Variants in ST6GALNAC5 observed in about 807,000 individuals in gnomAD.
ST6GALNAC5 encodes alpha-N-acetylgalactosaminide alpha-2,6-sialyltransferase 5.
A neutral mutation model predicts 33.6 loss-of-function variants in ST6GALNAC5; 27 were observed. The ratio of observed to expected loss-of-function variants is 0.80; its 90% CI spans 0.59 to 1.11. The LOEUF is 1.11. ST6GALNAC5 is among the 50% of genes least tolerant of loss of function. The pLI, the probability that ST6GALNAC5 is intolerant of heterozygous loss-of-function variation, is 0.00. For synonymous variants in ST6GALNAC5, 194 were observed against 171.2 expected, an observed-to-expected ratio of 1.13 and a Z score of -1.04; for missense variants, 428 against 454.0, an observed-to-expected ratio of 0.94 and a Z score of 0.52.
chr1:76,941,773 G>T (rs1647343415), intron 2 of ST6GALNAC5, among the ~76,000 whole-genome samples: 1 of 152,048 alleles, frequency 6.6e-6, no homozygotes, highest in Non-Finnish European at 1.5e-5. Context: ...ATGGAGCAAG[G>T]CCTGGCCAAC....
intron 2 of ST6GALNAC5, among the ~76,000 whole-genome samples, chr1:76,940,463 C>G (rs1421219489): frequency 1.3e-5 from 2 of 151,944 alleles, no homozygotes; most frequent in Non-Finnish European, 2.9e-5. Context: ...ACATGCAGAC[C>G]CACACAAGCA....
intron 2 of ST6GALNAC5, among the ~76,000 whole-genome samples, chr1:76,952,600 A>G (rs915650115): frequency 1.3e-5 from 2 of 152,118 alleles, no homozygotes; most frequent in African/African-American, 2.4e-5. Flanking sequence ...GGGTATGCCA[A>G]TTACCCTGAT....
chr1:77,006,454 C>G (rs1267131114), intron 2 of ST6GALNAC5, among the ~76,000 whole-genome samples: 1 of 150,544 alleles, frequency 6.6e-6, no homozygotes, highest in Non-Finnish European at 1.5e-5. Flanking sequence ...GCTGAGATTA[C>G]AGGCGCCAGC....
chr1:77,024,714 T>A (rs139968460), intron 2 of ST6GALNAC5, among the ~76,000 whole-genome samples: 1 of 152,328 alleles, frequency 6.6e-6, no homozygotes, highest in Non-Finnish European at 1.5e-5. Flanking sequence ...AGGGGCAGTG[T>A]GGACTGCCTG....
chr1:76,999,698 A>C (rs571756233), intron 2 of ST6GALNAC5, among the ~76,000 whole-genome samples: 28 of 135,264 alleles, frequency 2.1e-4, no homozygotes, highest in Admixed American at 1.3e-3. Context: ...TGTCCATGTG[A>C]TCTCATTGTT....
At chr1:77,003,678 G>A (rs1409197376) in intron 2 of ST6GALNAC5, among the ~76,000 whole-genome samples, 2 of 152,056 alleles carry the variant, frequency 1.3e-5, no homozygotes, top group Non-Finnish European at 2.9e-5. Flanking sequence ...CTCTTGTAAG[G>A]CAGGCCTGGT....
chr1:77,021,592 C>G (rs996557761), intron 2 of ST6GALNAC5, among the ~76,000 whole-genome samples: 1 of 152,122 alleles, frequency 6.6e-6, no homozygotes, highest in Admixed American at 6.5e-5. Flanking sequence ...TTCACATGAG[C>G]CTTTGTCCTG....
intron 2 of ST6GALNAC5, among the ~76,000 whole-genome samples, chr1:76,883,284 C>T (rs921940201): frequency 1.3e-5 from 2 of 152,208 alleles, no homozygotes; most frequent in African/African-American, 2.4e-5. Flanking sequence ...TTTCCACATG[C>T]AAGTCTCCCT....
At chr1:76,982,702 A>G (rs1470194774) in intron 2 of ST6GALNAC5, among the ~76,000 whole-genome samples, 3 of 151,980 alleles carry the variant, frequency 2.0e-5, no homozygotes, top group Admixed American at 2.0e-4. Context: ...ACCCCAAGAC[A>G]CATAATTGTC....
intron 2 of ST6GALNAC5, among the ~76,000 whole-genome samples, chr1:76,960,888 T>C (rs1468822784): frequency 6.6e-6 from 1 of 152,140 alleles, no homozygotes; most frequent in Non-Finnish European, 1.5e-5. Context: ...ACACGCATGC[T>C]CTACAAACAA....
chr1:76,970,372 G>C (rs1333765696), intron 2 of ST6GALNAC5, among the ~76,000 whole-genome samples: 1 of 151,748 alleles, frequency 6.6e-6, no homozygotes, highest in African/African-American at 2.4e-5. Flanking sequence ...TGACCTGATG[G>C]AGCTGAAAAC....
intron 2 of ST6GALNAC5, among the ~76,000 whole-genome samples, chr1:76,911,717 T>C (rs1366270354): frequency 1.3e-5 from 2 of 152,236 alleles, no homozygotes; most frequent in Admixed American, 6.5e-5. Flanking sequence ...CTAGATTTTC[T>C]AGTTTATTTG....
chr1:76,923,726 C>CA (rs1389926404), intron 2 of ST6GALNAC5, among the ~76,000 whole-genome samples: 1 of 151,412 alleles, frequency 6.6e-6, no homozygotes, highest in Non-Finnish European at 1.5e-5. Context: ...AACAAACAAA[C>CA]AAAAAAAACA....
At chr1:77,055,725 T>C (rs1027690504) in intron 4 of ST6GALNAC5, among the ~76,000 whole-genome samples, 4 of 152,194 alleles carry the variant, frequency 2.6e-5, no homozygotes, top group African/African-American at 9.7e-5. Flanking sequence ...GCATCCCTCT[T>C]CCTCTGCCTT....
At chr1:76,923,714 AAAAC>A (rs1026489140) in intron 2 of ST6GALNAC5, among the ~76,000 whole-genome samples, 6 of 152,050 alleles carry the variant, frequency 3.9e-5, no homozygotes, top group Non-Finnish European at 5.9e-5. Context: ...ACAAAACAAA[AAAAC>A]AAACAAACAA....
At chr1:76,950,419 G>A (rs1335910373) in intron 2 of ST6GALNAC5, among the ~76,000 whole-genome samples, 1 of 152,108 alleles carries the variant, frequency 6.6e-6, no homozygotes, top group Non-Finnish European at 1.5e-5. Context: ...GACACGTAGA[G>A]ATGAACTAAT....
At chr1:76,938,340 T>C (rs1570689857) in intron 2 of ST6GALNAC5, among the ~76,000 whole-genome samples, 1 of 152,046 alleles carries the variant, frequency 6.6e-6, no homozygotes, top group Non-Finnish European at 1.5e-5. Flanking sequence ...GCTGCTTTTA[T>C]AGGGAGACAT....
chr1:77,054,199 G>T (rs1230736878), intron 4 of ST6GALNAC5, among the ~76,000 whole-genome samples: 1 of 152,178 alleles, frequency 6.6e-6, no homozygotes, highest in Non-Finnish European at 1.5e-5. Flanking sequence ...GGTTACTCGA[G>T]GTGCCTGTGG....
rs1011826121 is a variant in ST6GALNAC5 at position 76,892,886 on chromosome 1, G to A, written c.261+24144G>A. 2.5e-4 allele frequency among the ~76,000 whole-genome samples: 38 copies of A among 152,122 alleles called. 1 individual carries two copies. The highest frequency in any genetic ancestry group is 1.8e-3 in the Admixed American group (28 of 15,258). Reference sequence around the variant, plus strand: ...GGGGAGGAGGATTAAATATGCAACTGAGTAGCCAGGGCCTCTAGCTGCTGG... The same window carrying A: ...GGGGAGGAGGATTAAATATGCAACTAAGTAGCCAGGGCCTCTAGCTGCTGG... On this transcript the variant is annotated intron_variant, in intron 2 of 4. Transcript: ENST00000477717.
Sources: allele counts gnomAD v4.1 joint callset (sites outside exome capture counted in the v4.1 genomes callset), GRCh38; gene constraint gnomAD v4.1.1; transcripts MANE v1.5; gene names NCBI Gene and HGNC (gene_info 2026-07-23, HGNC 2026-07-21).